The following LRRC4C variants were observed in gnomAD, a reference collection of about 807,000 sequenced individuals.
LRRC4C encodes the protein leucine-rich repeat-containing protein 4C.
In LRRC4C, 5 loss-of-function variants were observed where a neutral mutation model predicts 33.6. That is an observed-to-expected ratio of 0.15 (90% CI 0.08 to 0.31). The LOEUF (loss-of-function observed/expected upper bound fraction) is 0.31, where lower values mean the gene tolerates loss of function less well. LRRC4C is among the 10% of genes least tolerant of loss of function. The pLI is 1.00. For missense variants in LRRC4C, 560 were observed against 796.7 expected (o/e 0.70, Z 3.58); for synonymous variants, 329 against 302.0 (o/e 1.09, Z -0.93).
At chr11:40,628,418 C>A (rs1200232924) in intron 3 of LRRC4C, among the ~76,000 whole-genome samples, 1 of 152,118 alleles carries the variant, frequency 6.6e-6, no homozygotes, top group Non-Finnish European at 1.5e-5. Flanking sequence ...GCAGAGCTTG[C>A]AGTGAGCCGA....
At chr11:40,142,946 GCATT>G (rs35026678) in intron 5 of LRRC4C, among the ~76,000 whole-genome samples, 1 of 151,970 alleles carries the variant, frequency 6.6e-6, no homozygotes, top group Non-Finnish European at 1.5e-5. Flanking sequence ...AATGGCAGTT[GCATT>G]CATTCATTCA....
chr11:40,252,358 A>T (rs1866856544), intron 4 of LRRC4C, among the ~76,000 whole-genome samples: 1 of 151,856 alleles, frequency 6.6e-6, no homozygotes, highest in Non-Finnish European at 1.5e-5. Context: ...ACATACACAC[A>T]TACACCCCCC....
chr11:40,748,971 C>A (rs972346724), intron 2 of LRRC4C, among the ~76,000 whole-genome samples: 2 of 151,748 alleles, frequency 1.3e-5, no homozygotes, highest in African/African-American at 4.8e-5. Context: ...ACCAGAGCAC[C>A]CAGATGTATA....
chr11:41,146,931 G>A (rs1056131630), intron 1 of LRRC4C, among the ~76,000 whole-genome samples: 1 of 152,160 alleles, frequency 6.6e-6, no homozygotes, highest in African/African-American at 2.4e-5. Context: ...TGGGTTCAGG[G>A]TTGAAACAGA....
At chr11:40,461,038 A>G (rs1241815925) in intron 3 of LRRC4C, among the ~76,000 whole-genome samples, 1 of 152,194 alleles carries the variant, frequency 6.6e-6, no homozygotes, top group East Asian at 1.9e-4. Context: ...TACTTCTGCA[A>G]TTAAATGCCC....
Position 41,066,776 on chromosome 11 carries a change from AAGAATTTCCAACCC to A in LRRC4C, c.-495-133067_-495-133054del, listed in dbSNP as rs1938273378. On this transcript the variant is annotated intron_variant, in intron 1 of 6. Coordinates refer to ENST00000528697, the MANE Select transcript of LRRC4C (RefSeq NM_001258419.2). ...GCCAATATTCAACATTCTTAAAGAA[AAGAATTTCCAACCC>A]AGAATTTCATATCCAGCCAAACTAA... 2.0e-5 allele frequency among the ~76,000 whole-genome samples: 3 copies of A among 152,336 alleles called. No individual in the cohort carries two copies. The South Asian group carries it at 6.2e-4, about 32-fold the overall frequency.
chr11:41,025,412 G>GT (rs1368620640), intron 1 of LRRC4C, among the ~76,000 whole-genome samples: 1 of 151,472 alleles, frequency 6.6e-6, no homozygotes, highest in Non-Finnish European at 1.5e-5. Flanking sequence ...TATGAGGAAA[G>GT]TTTTAGTGCT....
intron 1 of LRRC4C, among the ~76,000 whole-genome samples, chr11:41,022,142 T>TTATATATATATA (rs142909883): frequency 1.1e-4 from 15 of 139,062 alleles, no homozygotes; most frequent in African/African-American, 3.8e-4. Flanking sequence ...CAATTTTGTT[T>TTATATATATATA]TATATATATA....
chr11:40,957,154 C>A (rs535079350), intron 1 of LRRC4C, among the ~76,000 whole-genome samples: 3 of 151,706 alleles, frequency 2.0e-5, no homozygotes, highest in Non-Finnish European at 2.9e-5. Context: ...AAGACAGAAA[C>A]TGTAGCATGT....
At chr11:40,292,930 A>AG (rs1302556924) in intron 4 of LRRC4C, 1 of 152,074 alleles carries the variant, frequency 6.6e-6, no homozygotes, top group African/African-American at 2.4e-5. Flanking sequence ...CAAAAAAAAA[A>AG]GTCTCCTTTT....
At chr11:40,913,873 C>T (rs924483247) in intron 2 of LRRC4C, among the ~76,000 whole-genome samples, 5 of 152,072 alleles carry the variant, frequency 3.3e-5, no homozygotes, top group Non-Finnish European at 7.4e-5. Flanking sequence ...GATATCACCA[C>T]CGATCCCACA....
chr11:40,162,004 T>G (rs1859196677), intron 5 of LRRC4C, among the ~76,000 whole-genome samples: 1 of 152,110 alleles, frequency 6.6e-6, no homozygotes, highest in Admixed American at 6.5e-5. Flanking sequence ...AAGTCAAAGA[T>G]CAAGTTACCA....
chr11:40,996,703 G>A (rs376839106), intron 1 of LRRC4C, among the ~76,000 whole-genome samples: 2 of 152,198 alleles, frequency 1.3e-5, no homozygotes, highest in East Asian at 1.9e-4. Flanking sequence ...CTTCTGGTGC[G>A]GGCCTTAGGA....
intron 3 of LRRC4C, among the ~76,000 whole-genome samples, chr11:40,440,745 T>C (rs1281528141): frequency 6.6e-6 from 1 of 152,184 alleles, no homozygotes; most frequent in African/African-American, 2.4e-5. Context: ...TCTCTCCACC[T>C]TCTTTATAGC....
At position 40,135,847 on chromosome 11, in the gene LRRC4C, C is replaced by A. The variant is rs377556388; in HGVS notation, c.-43+4954G>T. Among the ~76,000 whole-genome samples, 6 of 152,272 alleles carry A rather than the reference C, an allele frequency of 3.9e-5. No homozygotes were observed. In the East Asian group the frequency reaches 5.8e-4, roughly 15 times the overall value. ...CAGAATGTTCTTTCTATGCCAAAGG[C>A]ATACCGCAAAAATAAACTTTAATAA... On this transcript the variant is annotated intron_variant, in intron 6 of 6. Coordinates refer to ENST00000528697, the MANE Select transcript of LRRC4C (RefSeq NM_001258419.2).
At chr11:41,351,869 T>G (rs1403802564) in intron 1 of LRRC4C, among the ~76,000 whole-genome samples, 1 of 152,172 alleles carries the variant, frequency 6.6e-6, no homozygotes, top group Non-Finnish European at 1.5e-5. Context: ...AAGAGGTCCT[T>G]AAGGGAATGC....
chr11:40,635,199 A>T (rs79597305), intron 3 of LRRC4C, among the ~76,000 whole-genome samples: 1 of 152,208 alleles, frequency 6.6e-6, no homozygotes, highest in Non-Finnish European at 1.5e-5. Context: ...AGTTTCACCC[A>T]GGTCATCCAT....
chr11:41,313,722 T>C (rs1950705794), intron 1 of LRRC4C, among the ~76,000 whole-genome samples: 1 of 152,208 alleles, frequency 6.6e-6, no homozygotes, highest in South Asian at 2.1e-4. Flanking sequence ...AATTAAAGTA[T>C]ACAAAACAAA....
chr11:40,649,541 A>G (rs1391657359), intron 2 of LRRC4C, among the ~76,000 whole-genome samples: 1 of 152,166 alleles, frequency 6.6e-6, no homozygotes, highest in Admixed American at 6.5e-5. Context: ...CTGATTTCAT[A>G]TTGTTGAAAC....
Sources: gnomAD v4.1 joint callset for allele counts (sites outside exome capture counted in the v4.1 genomes callset) on GRCh38, gnomAD v4.1.1 for gene constraint, MANE v1.5 for transcripts, NCBI Gene and HGNC (gene_info 2026-07-23, HGNC 2026-07-21) for gene names.